SEPTIN12: variants seen among roughly 807,000 people sequenced by gnomAD.
SEPTIN12 encodes the protein septin 12.
In SEPTIN12, 42 loss-of-function variants were observed where a neutral mutation model predicts 37.7. That is an observed-to-expected ratio of 1.11 (90% CI 0.87 to 1.44). The LOEUF (loss-of-function observed/expected upper bound fraction) is 1.44. SEPTIN12 is among the 40% of genes most tolerant of loss of function. SEPTIN12 has a pLI of 0.00. For synonymous variants in SEPTIN12, 254 were observed against 196.7 expected (o/e 1.29, Z -2.44); for missense variants, 613 against 479.2 (o/e 1.28, Z -2.61).
At chr16:4,785,137 C>T (rs930568838) in intron 4 of SEPTIN12, among the ~76,000 whole-genome samples, 1 of 152,022 alleles carries the variant, frequency 6.6e-6, no homozygotes, top group Admixed American at 6.6e-5. Context: ...GTAATCCCAG[C>T]TACTTGGGAG....
intron 7 of SEPTIN12, among the ~76,000 whole-genome samples, chr16:4,783,110 T>C (rs2082390406): frequency 6.6e-6 from 1 of 151,974 alleles, no homozygotes; most frequent in Admixed American, 6.6e-5. Flanking sequence ...GGTTTCACCA[T>C]GTTGGCCAGG....
chr16:4,783,507 G>C lies in SEPTIN12; in HGVS notation c.681C>G (p.Cys227Trp). 1 of 1,614,150 alleles carries C rather than the reference G, an allele frequency of 6.2e-7. No homozygotes were observed. The highest frequency in any genetic ancestry group is 2.2e-5 in the East Asian group (1 of 44,878). ...TTTTGTCATTGATGTCCTCGTCAAAGCACATCTGGGGGTAGACGTCGATGC... is the reference window on the plus strand; with the variant it reads ...TTTTGTCATTGATGTCCTCGTCAAACCACATCTGGGGGTAGACGTCGATGC... The part of the protein sequence containing the change: ...THCIDVYPQM[C>W]FDEDINDKIL... Residue 227 changes from cysteine to tryptophan, a missense_variant, in exon 7 of 10, where the codon TGC becomes TGG. Cys to Trp is a radical substitution (Grantham distance 215). Coordinates refer to ENST00000268231, the MANE Select transcript of SEPTIN12 (RefSeq NM_144605.5).
At position 4,787,631 on chromosome 16, in the gene SEPTIN12, C is replaced by G. The variant is rs780645172; in HGVS notation, c.15G>C (p.Arg5Ser). MDPL[R>S]RSPSPCLSSQ... The stretch of plus-strand genomic sequence containing the variant: ...AGGACAGGCAGGGAGAGGGGGAGCG[C>G]CTCAGGGGGTCCATGGGGGCCAAGG... Residue 5 changes from arginine (R) to serine (S), a missense_variant, in exon 2 of 10, where the codon AGG becomes AGC. Coordinates refer to ENST00000268231, the MANE Select transcript of SEPTIN12 (RefSeq NM_144605.5). 8.2e-6 allele frequency: 13 copies of G among 1,591,492 alleles called. No individual in the cohort carries two copies. Among genetic ancestry groups the G allele is most frequent in the Non-Finnish European group, 1.0e-5 (12 of 1,172,610 alleles).
At chr16:4,787,235 T>C (rs2082469264) in intron 2 of SEPTIN12, among the ~76,000 whole-genome samples, 1 of 152,040 alleles carries the variant, frequency 6.6e-6, no homozygotes, top group South Asian at 2.1e-4. Context: ...TGAGCTCAAG[T>C]GATCCACCCA....
intron 3 of SEPTIN12, 26 bp from the exon 4 acceptor site, chr16:4,785,914 G>A (rs747632468): frequency 1.3e-6 from 2 of 1,512,942 alleles, no homozygotes; most frequent in Non-Finnish European, 1.8e-6. Context: ...AGAGTCGGGA[G>A]AGACTGGACC....
upstream of SEPTIN12, among the ~76,000 whole-genome samples, chr16:4,789,306 CT>C (rs980508622): frequency 3.3e-5 from 5 of 150,966 alleles, no homozygotes; most frequent in Non-Finnish European, 4.4e-5. Context: ...CATGCCTGGC[CT>C]TTTTTTTTCT....
upstream of SEPTIN12, chr16:4,788,434 G>C (rs2082495594): frequency 6.6e-6 from 1 of 152,474 alleles, no homozygotes; most frequent in South Asian, 2.1e-4. Context: ...CTTCTCTGCA[G>C]CAGGAGCAGG....
chr16:4,791,374 G>A (rs117854581), upstream of SEPTIN12, among the ~76,000 whole-genome samples: 3,224 of 152,306 alleles, frequency 0.021, 60 homozygotes, highest in South Asian at 0.041. Context: ...TCAACACGGC[G>A]ATAATAGCAC....
At chr16:4,779,640 G>T in intron 8 of SEPTIN12, 50 bp downstream of exon 8, 1 of 1,173,186 alleles carries the variant, frequency 8.5e-7, no homozygotes, top group Non-Finnish European at 1.3e-6. Flanking sequence ...AGGCTGCTCT[G>T]GTTTCCAAAC....
rs1344327081 is a variant in SEPTIN12, at chr16:4,787,425, C to T, written c.166+55G>A. The T allele has an allele frequency of 2.6e-6, 4 of 1,555,612 alleles. No homozygotes were observed. The South Asian group carries it at 4.5e-5, about 17-fold the overall frequency. On this transcript the variant is annotated intron_variant, in intron 2 of 9. Coordinates refer to ENST00000268231, the MANE Select transcript of SEPTIN12 (RefSeq NM_144605.5). ...GCTGCCAAAGGTGAGGCCACACGCC[C>T]AGGCACGCGTAGCACTGTGGGTCTG...
chr16:4,791,681 G>A (rs546956027), upstream of SEPTIN12, among the ~76,000 whole-genome samples: 1 of 152,104 alleles, frequency 6.6e-6, no homozygotes, highest in African/African-American at 2.4e-5. Flanking sequence ...GCGGGGCTCT[G>A]TGACTTTTGT....
At chr16:4,787,375 C>T (rs1016862802) in intron 2 of SEPTIN12, 105 bp downstream of exon 2, 27 of 1,000,648 alleles carry the variant, frequency 2.7e-5, no homozygotes, top group Middle Eastern at 2.1e-4. Context: ...ATCAGGCCCA[C>T]CTAAGAGATG....
At position 4,778,109 on chromosome 16, in the gene SEPTIN12, A is replaced by G. The variant is rs200049535; in HGVS notation, c.852T>C (p.Pro284=). 4 of 1,614,098 alleles carry G rather than the reference A, an allele frequency of 2.5e-6. No individual in the cohort carries two copies. The African/African-American group carries it at 4.0e-5, about 16-fold the overall frequency. The part of the protein sequence containing the change: ...EVENMAHCEF[P]LLRDLLIRSH... ...ACCGGATAAGCAGGTCTCTCAGGAG[A>G]GGAAATTCACAGTGCGCCATGTTCT... The change falls in exon 9 of 10, where the codon CCT becomes CCC. Residue 284 remains proline (P), a synonymous_variant. Transcript: ENST00000268231.
intron 1 of SEPTIN12, chr16:4,787,992 T>A (rs1037141474): frequency 4.1e-6 from 1 of 243,996 alleles, no homozygotes; most frequent in Admixed American, 5.0e-5. Flanking sequence ...CCAGGATGGG[T>A]GTTTGCAGCC....
intron 8 of SEPTIN12, among the ~76,000 whole-genome samples, 178 bp from the exon 9 acceptor site, chr16:4,778,315 G>T (rs965343288): frequency 6.6e-6 from 1 of 152,184 alleles, no homozygotes; most frequent in African/African-American, 2.4e-5. Context: ...CCCAGTGCCT[G>T]GTACAGGCGG....
chr16:4,784,380 G>C (rs559431435), intron 4 of SEPTIN12: 2 of 346,160 alleles, frequency 5.8e-6, no homozygotes, highest in East Asian at 1.1e-4. Flanking sequence ...CCAAGGAATC[G>C]CGCCTGATGG....
chr16:4,786,138 G>T (rs774782864), intron 2 of SEPTIN12, 33 bp from the exon 3 acceptor site: 1 of 1,540,758 alleles, frequency 6.5e-7, no homozygotes, highest in Non-Finnish European at 8.7e-7. Flanking sequence ...AGCAGTTAGG[G>T]TGGGCGTTTT....
intron 9 of SEPTIN12, 25 bp from the exon 10 acceptor site, chr16:4,778,023 C>A: frequency 1.2e-6 from 2 of 1,612,478 alleles, no homozygotes; most frequent in South Asian, 1.1e-5. Context: ...ACGGTCAGCC[C>A]CGATGGTGGT....
intron 7 of SEPTIN12, among the ~76,000 whole-genome samples, chr16:4,781,335 G>A (rs2082369536): frequency 6.6e-6 from 1 of 151,670 alleles, no homozygotes; most frequent in African/African-American, 2.4e-5. Flanking sequence ...ACGGTACGGG[G>A]GTTTTTAGTA....
Sources: allele counts gnomAD v4.1 joint callset (sites outside exome capture counted in the v4.1 genomes callset), GRCh38; gene constraint gnomAD v4.1.1; transcripts MANE v1.5; gene names NCBI Gene and HGNC (gene_info 2026-07-23, HGNC 2026-07-21).